The following ITPR2 variants were observed in gnomAD, a reference collection of about 807,000 sequenced individuals.
ITPR2 encodes the protein inositol 1,4,5-trisphosphate-gated calcium channel ITPR2.
In ITPR2, 207 loss-of-function variants were observed where a neutral mutation model predicts 317.1. The observed-to-expected ratio is 0.65, with a 90% CI of 0.58 to 0.73. ITPR2 has a LOEUF of 0.73. ITPR2 is among the 30% of genes least tolerant of loss of function. ITPR2 has a pLI of 0.00. For missense variants in ITPR2, 2,613 were observed against 3,284.0 expected (o/e 0.80, Z 4.99); for synonymous variants, 1,156 against 1,149.1 (o/e 1.01, Z -0.12).
At chr12:26,356,908 C>T (rs947786703) in intron 55 of ITPR2, among the ~76,000 whole-genome samples, 7 of 152,100 alleles carry the variant, frequency 4.6e-5, no homozygotes, top group Non-Finnish European at 1.0e-4. Context: ...TATGGGGTAT[C>T]AATCTGATAG....
At chr12:26,442,158 C>T (rs942122593) in intron 46 of ITPR2, among the ~76,000 whole-genome samples, 1 of 152,016 alleles carries the variant, frequency 6.6e-6, no homozygotes, top group Non-Finnish European at 1.5e-5. Context: ...TAATACCTTC[C>T]CTTCACTTAC....
intron 32 of ITPR2, among the ~76,000 whole-genome samples, chr12:26,583,172 A>G (rs1420984535): frequency 6.6e-6 from 1 of 152,144 alleles, no homozygotes; most frequent in African/African-American, 2.4e-5. Flanking sequence ...CTGCTATACC[A>G]GTAAATTATA....
At chr12:26,655,520 A>G (rs545892377) in intron 20 of ITPR2, among the ~76,000 whole-genome samples, 188 bp downstream of exon 20, 3 of 151,170 alleles carry the variant, frequency 2.0e-5, no homozygotes, top group Non-Finnish European at 4.4e-5. Context: ...AGGCTGAGGC[A>G]GGAGAATGGC....
chr12:26,656,221 A>T, intron 19 of ITPR2, 76 bp downstream of exon 19: 5 of 1,550,150 alleles, frequency 3.2e-6, no homozygotes, highest in Non-Finnish European at 4.4e-6. Flanking sequence ...CACATGTTTC[A>T]TTTCAAAACT....
At chr12:26,613,933 T>C (rs190713004) in intron 26 of ITPR2, among the ~76,000 whole-genome samples, 2 of 152,182 alleles carry the variant, frequency 1.3e-5, no homozygotes, top group Admixed American at 6.5e-5. Flanking sequence ...CAGAGGCAAA[T>C]AAAATCTCAA....
chr12:26,744,913 G>A (rs1432339868), intron 2 of ITPR2, among the ~76,000 whole-genome samples: 1 of 152,214 alleles, frequency 6.6e-6, no homozygotes, highest in Non-Finnish European at 1.5e-5. Flanking sequence ...ATGTGAGTAT[G>A]GAGGACAACA....
intron 15 of ITPR2, among the ~76,000 whole-genome samples, chr12:26,661,051 T>C (rs1256733132): frequency 2.0e-5 from 3 of 151,706 alleles, no homozygotes; most frequent in African/African-American, 4.8e-5. Context: ...CTTAACTCAA[T>C]AGAAATGAGA....
chr12:26,543,506 C>A (rs1944314292), intron 37 of ITPR2, among the ~76,000 whole-genome samples: 1 of 152,126 alleles, frequency 6.6e-6, no homozygotes, highest in South Asian at 2.1e-4. Flanking sequence ...TGCCCTCAGG[C>A]TGGGCACGGT....
Position 26,443,556 on chromosome 12 carries a change from G to T in ITPR2, c.6437C>A (p.Thr2146Asn). ...ATAGATGGTTACCTCAATCTGTGCA[G>T]TGTGGTTGGCATAATACTTTAAGGC... The part of the protein sequence containing the change: ...DEALKYYANH[T>N]AQIEIVRHDR... The change falls in exon 46 of 57, where the codon ACT becomes AAT. Residue 2146 changes from threonine (T) to asparagine (N), a missense_variant. Thr to Asn is a moderately conservative substitution (Grantham distance 65, BLOSUM62 0). Coordinates refer to ENST00000381340, the MANE Select transcript of ITPR2 (RefSeq NM_002223.4). 6.2e-7 allele frequency: 1 copy of T among 1,610,922 alleles called. No individual in the cohort carries two copies. The highest frequency in any genetic ancestry group is 8.5e-7 in the Non-Finnish European group (1 of 1,177,296).
chr12:26,417,931 G>A (rs1347024065), intron 50 of ITPR2, among the ~76,000 whole-genome samples: 1 of 152,120 alleles, frequency 6.6e-6, no homozygotes, highest in African/African-American at 2.4e-5. Context: ...GGGTATAATA[G>A]GACTTTATGT....
intron 46 of ITPR2, among the ~76,000 whole-genome samples, chr12:26,442,025 T>C (rs571814825): frequency 6.6e-5 from 10 of 152,254 alleles, no homozygotes; most frequent in Non-Finnish European, 1.3e-4. Context: ...CCTCTCACTT[T>C]TGCCATTATA....
At chr12:26,374,106 C>A (rs1939270205) in intron 55 of ITPR2, among the ~76,000 whole-genome samples, 1 of 152,232 alleles carries the variant, frequency 6.6e-6, no homozygotes, top group South Asian at 2.1e-4. Context: ...GTGGTAAGAT[C>A]TGTCTTAACA....
intron 36 of ITPR2, among the ~76,000 whole-genome samples, chr12:26,555,232 C>T (rs1944630346): frequency 6.6e-6 from 1 of 152,204 alleles, no homozygotes; most frequent in East Asian, 1.9e-4. Flanking sequence ...GAACACACTT[C>T]TTGTGTGCCC....
chr12:26,568,779 G>A (rs1404964225), intron 34 of ITPR2, among the ~76,000 whole-genome samples: 1 of 152,130 alleles, frequency 6.6e-6, no homozygotes. Context: ...GAATGGCAGG[G>A]ACAGAGAATG....
chr12:26,775,015 C>T (rs186351231), intron 2 of ITPR2, among the ~76,000 whole-genome samples: 5 of 152,300 alleles, frequency 3.3e-5, no homozygotes, highest in Admixed American at 3.3e-4. Flanking sequence ...GATTGAGCTT[C>T]ACTAATGCAC....
chr12:26,591,079 CAAAA>C (rs34387951), intron 32 of ITPR2, among the ~76,000 whole-genome samples: 6,430 of 42,622 alleles, frequency 0.15, 54 homozygotes, highest in Middle Eastern at 0.23. Context: ...GACTCCATCT[CAAAA>C]AAAAAAAAAA....
intron 41 of ITPR2, among the ~76,000 whole-genome samples, chr12:26,485,410 CCAGACG>C: frequency 6.6e-6 from 1 of 152,164 alleles, no homozygotes; most frequent in Non-Finnish European, 1.5e-5. Flanking sequence ...TCCTACACTG[CCAGACG>C]AAATGGGTTA....
intron 21 of ITPR2, among the ~76,000 whole-genome samples, chr12:26,644,461 A>C (rs902422390): frequency 2.6e-5 from 4 of 152,318 alleles, no homozygotes; most frequent in African/African-American, 9.6e-5. Flanking sequence ...TCACACTGCT[A>C]ATAAAGACAC....
intron 54 of ITPR2, among the ~76,000 whole-genome samples, chr12:26,397,364 C>G (rs1225848899): frequency 6.6e-6 from 1 of 151,606 alleles, no homozygotes; most frequent in Non-Finnish European, 1.5e-5. Context: ...ATCTGGCAAC[C>G]TCTCCCTTTC....
Sources: allele counts gnomAD v4.1 joint callset (sites outside exome capture counted in the v4.1 genomes callset), GRCh38; gene constraint gnomAD v4.1.1; transcripts MANE v1.5; gene names NCBI Gene and HGNC (gene_info 2026-07-23, HGNC 2026-07-21).